EIF2S3B: variants seen among roughly 807,000 people sequenced by gnomAD.
The protein encoded by EIF2S3B is eukaryotic translation initiation factor 2 subunit 3B.
Under a neutral mutation model 26.4 loss-of-function variants are expected in EIF2S3B, and 16 were observed. The ratio of observed to expected loss-of-function variants is 0.61; its 90% confidence interval spans 0.41 to 0.92. The LOEUF is 0.92. Ranked by LOEUF, EIF2S3B falls within the 40% of genes least tolerant of loss-of-function variation. The probability of loss-of-function intolerance (pLI) is 0.00; values close to 1 mark genes in which losing one functional copy is unlikely to be tolerated. For synonymous variants in EIF2S3B, 183 were observed against 204.4 expected, an observed-to-expected ratio of 0.90 and a Z score of 0.89; for missense variants, 510 against 575.5, an observed-to-expected ratio of 0.89 and a Z score of 1.16.
intron 1 of EIF2S3B, among the ~76,000 whole-genome samples, chr12:10,514,227 T>C (rs1355528797): frequency 6.9e-6 from 1 of 144,580 alleles, no homozygotes; most frequent in East Asian, 2.1e-4. Context: ...GGTTCCCTCC[T>C]ACTTGTCTCA....
intron 1 of EIF2S3B, among the ~76,000 whole-genome samples, chr12:10,517,005 C>T (rs1289149510): frequency 5.3e-5 from 8 of 150,140 alleles, no homozygotes; most frequent in African/African-American, 1.2e-4. Flanking sequence ...CTGCTGGATT[C>T]GGTTTGCCAG....
chr12:10,520,757 G>A (rs2137957672), intron 1 of EIF2S3B, among the ~76,000 whole-genome samples: 1 of 152,224 alleles, frequency 6.6e-6, no homozygotes, highest in South Asian at 2.1e-4. Context: ...AAAGAACACA[G>A]CAAGAATCCT....
At position 10,506,234 on chromosome 12, in the gene EIF2S3B, A is replaced by T; in HGVS notation, c.332A>T (p.Asp111Val). The change falls in exon 1 of 1, where the codon GAT (aspartate) becomes GTT (valine). Residue 111 changes from aspartate (D) to valine (V), a missense_variant. By Grantham distance (152) the Asp-to-Val change is radical (BLOSUM62 -3). Coordinates refer to ENST00000538173, the MANE Select transcript of EIF2S3B (RefSeq NM_001357734.3). The stretch of plus-strand genomic sequence containing the variant: ...CGATCTTGTGGGAGCAGTATGCCTG[A>T]TGAGTTTCCTACAGACATTCCAGGA... The part of the protein sequence containing the change: ...CYRSCGSSMP[D>V]EFPTDIPGTK... The T allele has an allele frequency of 6.2e-7, 1 of 1,602,878 alleles. No individual in the cohort carries two copies. The highest frequency in any genetic ancestry group is 8.5e-7 in the Non-Finnish European group (1 of 1,169,728).
rs1864664705 is a variant in EIF2S3B, at chr12:10,508,100, T to C, written c.*779T>C. Among the ~76,000 whole-genome samples the C allele has an allele frequency of 6.6e-6, 1 of 152,228 alleles. No individual in the cohort carries two copies. Among genetic ancestry groups the C allele is most frequent in the Non-Finnish European group, 1.5e-5 (1 of 68,032 alleles). On this transcript the variant is annotated 3_prime_UTR_variant, in exon 1 of 1. Transcript: ENST00000538173. ...CCCTTTTCTTTGGCCCCATATTTTA[T>C]GTTGCTTTATCTTTGAAATTTTGCA...
chr12:10,506,529 G>T lies in EIF2S3B; in HGVS notation c.627G>T (p.Ala209=). Residue 209 remains alanine (A), a synonymous_variant, in exon 1 of 1, where the codon GCG becomes GCT. Transcript: ENST00000538173. ...AAGAACAATACGAGCAGATCCTTGC[G>T]TTTGTCCAAGGTACAGTAGCAGAGG... The part of the protein sequence containing the change: ...QAKEQYEQIL[A]FVQGTVAEGA... The T allele has an allele frequency of 1.9e-6, 3 of 1,592,966 alleles. No individual in the cohort carries two copies. The highest frequency in any genetic ancestry group is 2.6e-6 in the Non-Finnish European group (3 of 1,160,686).
intron 1 of EIF2S3B, among the ~76,000 whole-genome samples, chr12:10,518,056 G>A (rs1188836935): frequency 6.6e-6 from 1 of 151,942 alleles, no homozygotes; most frequent in Non-Finnish European, 1.5e-5. Flanking sequence ...TGGAATAGGT[G>A]TGGTGTGGTG....
intron 1 of EIF2S3B, among the ~76,000 whole-genome samples, chr12:10,520,997 C>G (rs79983412): frequency 0.038 from 5,845 of 152,232 alleles, 369 homozygotes; most frequent in African/African-American, 0.13. Flanking sequence ...TTATATTAGA[C>G]TTTTAGGCTG....
downstream of EIF2S3B, among the ~76,000 whole-genome samples, chr12:10,513,072 C>G (rs551056987): frequency 1.4e-4 from 21 of 152,320 alleles, no homozygotes; most frequent in Admixed American, 1.2e-3. Flanking sequence ...CCTTCCCGTC[C>G]TCCTACCTCA....
Position 10,522,594 on chromosome 12 carries a change from C to G in EIF2S3B, c.1309-9C>G, listed in dbSNP as rs185670650. On this transcript the variant is annotated splice_polypyrimidine_tract_variant and intron_variant, in intron 1 of 1. Transcript: ENST00000322446. ...CTGATTCTTCAACATCCATTGCATT[C>G]TCTTCCAGATTCATCTAATTCACCT... 2.8e-4 allele frequency: 192 copies of G among 677,426 alleles called. No homozygotes were observed. The African/African-American group carries it at 2.9e-3, about 10-fold the overall frequency. 42.0% of individuals were successfully genotyped at this position (677,426 alleles called of 1,614,324 possible). A position where few individuals can be genotyped will look rare whatever the true frequency, so the allele number is the denominator to read the frequency against.
At position 10,507,498 on chromosome 12, in the gene EIF2S3B, A is replaced by G. The variant is rs1409276789; in HGVS notation, c.*177A>G. 1 of 703,228 alleles carries G rather than the reference A, an allele frequency of 1.4e-6. No homozygotes were observed. The highest frequency in any genetic ancestry group is 2.3e-6 in the Non-Finnish European group (1 of 428,246). 43.6% of individuals were successfully genotyped at this position (703,228 alleles called of 1,614,324 possible). On this transcript the variant is annotated 3_prime_UTR_variant, in exon 1 of 1. Coordinates refer to ENST00000538173, the MANE Select transcript of EIF2S3B (RefSeq NM_001357734.3). ...TTTTGGTTATGAAAACTTAGGGACT[A>G]CAATTAGTATAAAAATTGGCATAAT...
intron 1 of EIF2S3B, among the ~76,000 whole-genome samples, chr12:10,516,314 C>T (rs1190774823): frequency 6.6e-6 from 1 of 151,990 alleles, no homozygotes; most frequent in Non-Finnish European, 1.5e-5. Flanking sequence ...GATACTCATG[C>T]ATATATCGTA....
chr12:10,522,341 A>C (rs1427399310), intron 1 of EIF2S3B, among the ~76,000 whole-genome samples: 2 of 152,204 alleles, frequency 1.3e-5, no homozygotes, highest in Non-Finnish European at 2.9e-5. Flanking sequence ...TCTCTAAAAA[A>C]TATTTAAATA....
Position 10,505,915 on chromosome 12 carries a change from G to A in EIF2S3B, c.13G>A (p.Glu5Lys), listed in dbSNP as rs758743954. The A allele has an allele frequency of 3.2e-5, 51 of 1,597,336 alleles. No individual in the cohort carries two copies. The Middle Eastern group carries it at 6.6e-4, about 21-fold the overall frequency. The change falls in exon 1 of 1, where the codon GAA (glutamate) becomes AAA (lysine). Residue 5 changes from glutamate to lysine, a missense_variant. Coordinates refer to ENST00000538173, the MANE Select transcript of EIF2S3B (RefSeq NM_001357734.3). MAGG[E>K]AGVTLGQPHL... Reference sequence around the variant, plus strand: ...CTCTTTTGGCAACATGGCGGGCGGAGAAGCTGGGGTGACTCTGGGGCAGCC... The same window carrying A: ...CTCTTTTGGCAACATGGCGGGCGGAAAAGCTGGGGTGACTCTGGGGCAGCC...
In EIF2S3B at chr12:10,518,034, T is replaced by A. The variant is rs545789100; in HGVS notation, c.1309-4569T>A. ...CTGAGGAGAGCTTTACTTCCAACTA[T>A]GTGGTCAATTTTGGAATAGGTGTGG... On this transcript the variant is annotated intron_variant, in intron 1 of 1. Coordinates refer to the EIF2S3B transcript ENST00000322446. Among the ~76,000 whole-genome samples, 38 of 152,100 alleles carry A rather than the reference T, an allele frequency of 2.5e-4. 1 individual carries two copies. The highest frequency in any genetic ancestry group is 2.4e-3 in the Admixed American group (36 of 15,268).
chr12:10,520,770 C>T (rs1169393588), intron 1 of EIF2S3B, among the ~76,000 whole-genome samples: 1 of 152,034 alleles, frequency 6.6e-6, no homozygotes, highest in Admixed American at 6.6e-5. Flanking sequence ...AGAATCCTTT[C>T]GAACAGCATA....
At position 10,505,963 on chromosome 12, in the gene EIF2S3B, A is replaced by G. The variant is rs1049679449; in HGVS notation, c.61A>G (p.Thr21Ala). ...GQPHLSRQDLTTLDVTKLTPL... is the reference protein window; with the variant it reads ...GQPHLSRQDLATLDVTKLTPL... ...GCCGCACCTTTCGCGTCAGGATCTC[A>G]CCACCTTGGATGTTACCAAGTTGAC... Residue 21 changes from threonine to alanine, a missense_variant, in exon 1 of 1, where the codon ACC becomes GCC. Coordinates refer to ENST00000538173, the MANE Select transcript of EIF2S3B (RefSeq NM_001357734.3). 1 of 1,604,564 alleles carries G rather than the reference A, an allele frequency of 6.2e-7. No homozygotes were observed. The highest frequency in any genetic ancestry group is 1.3e-5 in the African/African-American group (1 of 74,732).
rs1256401203 is a variant in EIF2S3B at position 10,508,266 on chromosome 12, G to A, written c.*945G>A. Among the ~76,000 whole-genome samples the A allele has an allele frequency of 2.0e-5, 3 of 151,946 alleles. No individual in the cohort carries two copies. The highest frequency in any genetic ancestry group is 4.8e-5 in the African/African-American group (2 of 41,362). On this transcript the variant is annotated 3_prime_UTR_variant, in exon 1 of 1. Transcript: ENST00000538173. ...CCTTGCTCTTCCTGGCCTGAAATAC[G>A]GGAAACTAGAGTCAGAAGTTATCTC...
In EIF2S3B at chr12:10,506,553, G is replaced by C. The variant is rs765080094; in HGVS notation, c.651G>C (p.Glu217Asp). ...ILAFVQGTVA[E>D]GAPIIPISAQ... ...CGTTTGTCCAAGGTACAGTAGCAGA[G>C]GGAGCTCCCATTATTCCAATTTCGG... The change falls in exon 1 of 1, where the codon GAG (glutamate) becomes GAC (aspartate). Residue 217 changes from glutamate to aspartate, a missense_variant. Physicochemically the swap from Glu to Asp is conservative, Grantham distance 45. Coordinates refer to ENST00000538173, the MANE Select transcript of EIF2S3B (RefSeq NM_001357734.3). 1 of 1,590,844 alleles carries C rather than the reference G, an allele frequency of 6.3e-7. No homozygotes were observed. Among genetic ancestry groups the C allele is most frequent in the Admixed American group, 1.7e-5 (1 of 59,996 alleles).
chr12:10,521,781 T>C (rs1190416657), intron 1 of EIF2S3B, among the ~76,000 whole-genome samples: 1 of 152,224 alleles, frequency 6.6e-6, no homozygotes, highest in East Asian at 1.9e-4. Flanking sequence ...TAGTAAAAGC[T>C]AGCTATTTTA....
Sources: allele counts gnomAD v4.1 joint callset (sites outside exome capture counted in the v4.1 genomes callset), GRCh38; gene constraint gnomAD v4.1.1; transcripts MANE v1.5; gene names NCBI Gene and HGNC (gene_info 2026-07-23, HGNC 2026-07-21).